The following SEPTIN9 variants were observed in gnomAD, a reference collection of about 807,000 sequenced individuals.
The protein encoded by SEPTIN9 is septin-9.
SEPTIN9 carries 13 observed loss-of-function variants against 56.6 expected under a neutral mutation model. The observed-to-expected ratio is 0.23, with a 90% CI of 0.15 to 0.37. SEPTIN9 has a LOEUF of 0.37. SEPTIN9 is among the 10% of genes least tolerant of loss of function. The probability of loss-of-function intolerance (pLI) is 1.00; values close to 1 mark genes in which losing one functional copy is unlikely to be tolerated. For missense variants in SEPTIN9, 650 were observed against 823.1 expected (o/e 0.79, Z 2.57); for synonymous variants, 332 against 334.1 (o/e 0.99, Z 0.07).
In SEPTIN9 at chr17:77,449,795, G is replaced by A. The variant is rs956826950; in HGVS notation, c.722-32349G>A. ...TGCTGGGGAAATTAGCTTCTTGGAG[G>A]AAGGGGGAGCTGTATTTTCTGAGTG... is the stretch of plus-strand genomic sequence containing the variant. On this transcript the variant is annotated intron_variant, in intron 3 of 11. Coordinates refer to ENST00000427177, the MANE Select transcript of SEPTIN9 (RefSeq NM_001113491.2). This position sits in a 1 kb window ranked among gnomAD's most constrained non-coding sequence, Gnocchi z 4.6. 4.6e-5 allele frequency among the ~76,000 whole-genome samples: 7 copies of A among 152,204 alleles called. No individual in the cohort carries two copies. The highest frequency in any genetic ancestry group is 1.7e-4 in the African/African-American group (7 of 41,442).
chr17:77,448,943 C>G (rs1031828674), intron 3 of SEPTIN9, among the ~76,000 whole-genome samples: 1 of 152,104 alleles, frequency 6.6e-6, no homozygotes, highest in Non-Finnish European at 1.5e-5. Flanking sequence ...GCTACCATGC[C>G]TGGCTAATTT....
chr17:77,470,040 C>A (rs1747808674), intron 3 of SEPTIN9, among the ~76,000 whole-genome samples: 1 of 150,792 alleles, frequency 6.6e-6, no homozygotes, highest in African/African-American at 2.4e-5. Context: ...TCCACTCATT[C>A]ACTCATTCAC....
chr17:77,282,558 A>G (rs945109479), intron 1 of SEPTIN9, among the ~76,000 whole-genome samples: 2 of 152,208 alleles, frequency 1.3e-5, no homozygotes, highest in African/African-American at 2.4e-5. Flanking sequence ...CCTTTGGGCC[A>G]TTGTCGGTTT....
chr17:77,450,829 T>C lies in SEPTIN9; in HGVS notation c.722-31315T>C. On this transcript the variant is annotated intron_variant, in intron 3 of 11. Transcript: ENST00000427177. This position sits in a 1 kb window ranked among gnomAD's most constrained non-coding sequence, Gnocchi z 6.0. ...CCCCTGCCCCTCCTCTCCTGCTCCT[T>C]CTCCCTTCCATGGTCCCAGCCAGCA... 1.0e-6 allele frequency: 1 copy of C among 984,026 alleles called. No individual in the cohort carries two copies. The highest frequency in any genetic ancestry group is 1.2e-6 in the Non-Finnish European group (1 of 828,868). The allele number at this position is 984,026 out of a possible 1,614,324, so 61.0% of individuals were successfully genotyped here. A position where few individuals can be genotyped will look rare whatever the true frequency, so the allele number is the denominator to read the frequency against.
At chr17:77,298,569 C>G (rs111929274) in intron 1 of SEPTIN9, among the ~76,000 whole-genome samples, 1 of 152,188 alleles carries the variant, frequency 6.6e-6, no homozygotes, top group Admixed American at 6.5e-5. Flanking sequence ...GGAGATGGGA[C>G]GGTTTCCTGT....
At position 77,440,188 on chromosome 17, in the gene SEPTIN9, T is replaced by C. The variant is rs2144335567; in HGVS notation, c.721+37485T>C. Reference sequence around the variant, plus strand: ...ATTTTTATTTGAGATGGAGTCTCGCTCCGTCACCTAGGCTGGAGTGCAGTA... The same window carrying C: ...ATTTTTATTTGAGATGGAGTCTCGCCCCGTCACCTAGGCTGGAGTGCAGTA... On this transcript the variant is annotated intron_variant, in intron 3 of 11. Coordinates refer to ENST00000427177, the MANE Select transcript of SEPTIN9 (RefSeq NM_001113491.2). Among the ~76,000 whole-genome samples the C allele has an allele frequency of 3.3e-5, 5 of 152,278 alleles. No homozygotes were observed. The South Asian group carries it at 1.0e-3, about 32-fold the overall frequency.
chr17:77,292,794 G>A (rs2031626434), intron 1 of SEPTIN9, among the ~76,000 whole-genome samples: 2 of 151,582 alleles, frequency 1.3e-5, no homozygotes, highest in South Asian at 2.1e-4. Context: ...AGGCCCGGCC[G>A]TTGAGATTAC....
intron 8 of SEPTIN9, 91 bp downstream of exon 8, chr17:77,490,950 A>T: frequency 4.9e-6 from 5 of 1,022,248 alleles, no homozygotes; most frequent in Non-Finnish European, 7.4e-6. Flanking sequence ...AAGGAGTCAC[A>T]CTGTCAGGGA....
chr17:77,484,239 A>G (rs1354986592), intron 4 of SEPTIN9: 1 of 67,328 alleles, frequency 1.5e-5, no homozygotes, highest in Non-Finnish European at 2.9e-5. Flanking sequence ...TGATGGTGCT[A>G]GTGGAGATGA....
At chr17:77,299,795 G>C (rs557314050) in intron 1 of SEPTIN9, among the ~76,000 whole-genome samples, 13 of 152,328 alleles carry the variant, frequency 8.5e-5, no homozygotes, top group Admixed American at 2.0e-4. Flanking sequence ...GCCCTGGGCA[G>C]GTATGAGCTG....
At chr17:77,466,874 A>G (rs2038759425) in intron 3 of SEPTIN9, among the ~76,000 whole-genome samples, 1 of 152,132 alleles carries the variant, frequency 6.6e-6, no homozygotes, top group Admixed American at 6.5e-5. Flanking sequence ...GAGTGCACGC[A>G]CAGCACCGGT....
chr17:77,349,696 G>A (rs761746053), intron 2 of SEPTIN9, among the ~76,000 whole-genome samples: 24 of 152,340 alleles, frequency 1.6e-4, no homozygotes, highest in Non-Finnish European at 3.1e-4. Flanking sequence ...TCTGTCAGGT[G>A]TAGACTCTAC....
intron 2 of SEPTIN9, among the ~76,000 whole-genome samples, chr17:77,332,474 C>A (rs372809803): frequency 1.4e-4 from 21 of 152,314 alleles, no homozygotes; most frequent in African/African-American, 5.1e-4. Context: ...ATCCTGTCAA[C>A]ACCTCAGTTT....
At chr17:77,348,134 C>G (rs1176052986) in intron 2 of SEPTIN9, among the ~76,000 whole-genome samples, 1 of 151,996 alleles carries the variant, frequency 6.6e-6, no homozygotes, top group South Asian at 2.1e-4. Context: ...CAGCCTCCGC[C>G]TTTTAATTGG....
intron 2 of SEPTIN9, among the ~76,000 whole-genome samples, chr17:77,332,563 A>G (rs889763723): frequency 1.3e-5 from 2 of 152,224 alleles, no homozygotes; most frequent in Non-Finnish European, 2.9e-5. Context: ...ATACCCTGAG[A>G]TGCACAGGTG....
intron 2 of SEPTIN9, among the ~76,000 whole-genome samples, chr17:77,381,494 G>A (rs2035141316): frequency 6.6e-6 from 1 of 152,200 alleles, no homozygotes; most frequent in Non-Finnish European, 1.5e-5. Context: ...CCTGCGAGGG[G>A]CAGGCCAGGC....
rs763165431 is a variant in SEPTIN9 at position 77,436,002 on chromosome 17, C to T, written c.721+33299C>T. 5.3e-5 allele frequency among the ~76,000 whole-genome samples: 8 copies of T among 152,184 alleles called. No individual in the cohort carries two copies. The highest frequency in any genetic ancestry group is 4.1e-4 in the South Asian group (2 of 4,836). On this transcript the variant is annotated intron_variant, in intron 3 of 11. Transcript: ENST00000427177. This position sits in a 1 kb window ranked among gnomAD's most constrained non-coding sequence, Gnocchi z 4.4. ...GCTGGAGGACCAAGGGAGAACTGAG[C>T]GCGTGTTCTCTTGGCCTCAGCCTCG...
rs965863948 is a variant in SEPTIN9 at position 77,400,134 on chromosome 17, G to A, written c.77-1925G>A. ...TGGGACTATAGGCGAGTGTCACCAT[G>A]CCCAGCTAATTTTTTATTTTTAGTA... is the stretch of plus-strand genomic sequence containing the variant. On this transcript the variant is annotated intron_variant, in intron 2 of 11. Transcript: ENST00000427177. This position sits in a 1 kb window ranked among gnomAD's most constrained non-coding sequence, Gnocchi z 4.1. 6.6e-6 allele frequency among the ~76,000 whole-genome samples: 1 copy of A among 152,278 alleles called. No individual in the cohort carries two copies. Among genetic ancestry groups the A allele is most frequent in the South Asian group, 2.1e-4 (1 of 4,828 alleles).
chr17:77,474,395 A>G (rs759606905), intron 3 of SEPTIN9, among the ~76,000 whole-genome samples: 17 of 152,208 alleles, frequency 1.1e-4, no homozygotes, highest in Non-Finnish European at 2.2e-4. Flanking sequence ...CTTGCAAGGG[A>G]AGTTATGGAA....
Sources: gnomAD v4.1 joint callset for allele counts (sites outside exome capture counted in the v4.1 genomes callset) on GRCh38, gnomAD v4.1.1 for gene constraint, Gnocchi (gnomAD v3.1) non-coding constraint, MANE v1.5 for transcripts, NCBI Gene and HGNC (gene_info 2026-07-23, HGNC 2026-07-21) for gene names.